The following COG5 variants were observed in gnomAD, a reference collection of about 807,000 sequenced individuals.
COG5 encodes conserved oligomeric Golgi complex subunit 5.
COG5 carries 86 observed loss-of-function variants against 110.4 expected under a neutral mutation model. The ratio of observed to expected loss-of-function variants is 0.78; its 90% confidence interval spans 0.65 to 0.93. The LOEUF (loss-of-function observed/expected upper bound fraction) is 0.93, where lower values mean the gene tolerates loss of function less well. Ranked by LOEUF, COG5 falls within the 40% of genes least tolerant of loss-of-function variation. The pLI, the probability that COG5 is intolerant of heterozygous loss-of-function variation, is 0.00. For synonymous variants in COG5, 360 were observed against 334.6 expected, an observed-to-expected ratio of 1.08 and a Z score of -0.83; for missense variants, 1,077 against 987.0, an observed-to-expected ratio of 1.09 and a Z score of -1.22.
chr7:107,549,572 T>TG (rs1335915689), intron 3 of COG5, among the ~76,000 whole-genome samples: 9 of 151,092 alleles, frequency 6.0e-5, no homozygotes, highest in African/African-American at 1.9e-4. Context: ...TTTTTTTTTT[T>TG]TTTGTATTTT....
chr7:107,362,091 A>C lies in COG5; in HGVS notation c.968T>G (p.Val323Gly). The C allele has an allele frequency of 6.2e-7, 1 of 1,608,634 alleles. No individual in the cohort carries two copies. Residue 323 changes from valine (V) to glycine (G), a missense_variant, in exon 10 of 22, where the codon GTA (valine) becomes GGA (glycine). Val to Gly is a moderately radical substitution (Grantham distance 109, BLOSUM62 -3). Transcript: ENST00000297135. The stretch of plus-strand genomic sequence containing the variant: ...AACAGGATCTCTCTTCTTGGCCAAT[A>C]CTTTTTGTAGATGTTGTACCTTAAA... ...VCGQVQHLQK[V>G]LAKKRDPVSH... is the part of the protein sequence containing the mutation.
intron 14 of COG5, among the ~76,000 whole-genome samples, chr7:107,268,262 C>A (rs151135479): frequency 0.013 from 1,956 of 152,270 alleles, 20 homozygotes; most frequent in Non-Finnish European, 0.019. Flanking sequence ...GCCACTGCAC[C>A]TGGCCTAAGA....
intron 1 of COG5, among the ~76,000 whole-genome samples, chr7:107,562,827 C>A (rs924382580): frequency 6.6e-6 from 1 of 151,968 alleles, no homozygotes; most frequent in African/African-American, 2.4e-5. Context: ...CATTTATTAC[C>A]CACTTCGGTC....
intron 6 of COG5, among the ~76,000 whole-genome samples, chr7:107,418,765 G>T (rs1275749729): frequency 1.3e-5 from 2 of 151,496 alleles, no homozygotes; most frequent in African/African-American, 4.9e-5. Context: ...TTATTTATTT[G>T]TATTTTAGTT....
At chr7:107,329,698 CCT>C (rs1213173367) in intron 10 of COG5, among the ~76,000 whole-genome samples, 7 of 151,432 alleles carry the variant, frequency 4.6e-5, no homozygotes, top group African/African-American at 1.7e-4. Flanking sequence ...TCAAGACCAT[CCT>C]TGGCAACAGC....
chr7:107,504,663 G>A (rs1798852611), intron 6 of COG5, among the ~76,000 whole-genome samples: 1 of 151,946 alleles, frequency 6.6e-6, no homozygotes, highest in African/African-American at 2.4e-5. Flanking sequence ...TTTTATTACT[G>A]ATTTAATCTT....
intron 7 of COG5, among the ~76,000 whole-genome samples, chr7:107,390,738 T>C (rs775238105): frequency 1.6e-4 from 24 of 148,970 alleles, no homozygotes; most frequent in African/African-American, 3.2e-4. Context: ...ATACTCATGA[T>C]TGTCTTATCT....
At position 107,548,327 on chromosome 7, in the gene COG5, G is replaced by A. The variant is rs150351852; in HGVS notation, c.298C>T (p.Leu100Phe). 1,385 of 1,613,628 alleles carry A rather than the reference G, an allele frequency of 8.6e-4. 2 individuals are homozygous for A. The highest frequency in any genetic ancestry group is 2.5e-3 in the Admixed American group (150 of 60,010). The change falls in exon 4 of 22, where the codon CTT becomes TTT. Residue 100 changes from leucine to phenylalanine, a missense_variant. Physicochemically the swap from Leu to Phe is conservative, Grantham distance 22. Transcript: ENST00000297135. ...CCAATTCTCGTCTGCATCATCTGAA[G>A]AACACCTAGGAAAACATAAGTTTAC... ...ATGIESLEGVLQMMQTRIGAL... is the reference protein window; with the variant it reads ...ATGIESLEGVFQMMQTRIGAL...
At chr7:107,414,342 G>A (rs4730238) in intron 6 of COG5, among the ~76,000 whole-genome samples, 29,811 of 151,252 alleles carry the variant, frequency 0.2, 3,270 homozygotes, top group East Asian at 0.33. Flanking sequence ...CCACAGTGAT[G>A]TAGCAGGAAA....
intron 14 of COG5, among the ~76,000 whole-genome samples, chr7:107,277,703 T>C (rs947573509): frequency 2.0e-5 from 3 of 152,188 alleles, no homozygotes; most frequent in Admixed American, 2.0e-4. Flanking sequence ...TGATTCACTA[T>C]AAAGGTTAAT....
intron 14 of COG5, among the ~76,000 whole-genome samples, chr7:107,273,819 A>G (rs1009127078): frequency 3.9e-5 from 6 of 152,064 alleles, no homozygotes; most frequent in Non-Finnish European, 5.9e-5. Context: ...GAAGAAAAAA[A>G]ATTTTTAAAT....
Position 107,474,437 on chromosome 7 carries a change from G to A in COG5, c.538+52800C>T. 1 of 1,613,300 alleles carries A rather than the reference G, an allele frequency of 6.2e-7. No individual in the cohort carries two copies. The highest frequency in any genetic ancestry group is 8.5e-7 in the Non-Finnish European group (1 of 1,179,522). On this transcript the variant is annotated intron_variant, in intron 6 of 21. Coordinates refer to ENST00000297135, the MANE Select transcript of COG5 (RefSeq NM_006348.5). This position sits in a 1 kb window ranked among gnomAD's most constrained non-coding sequence, Gnocchi z 5.7. ...CATGAGGCTTGTGTATCTTTTGCAA[G>A]TGTCTCAACAGCAATCAACGTTTTT...
intron 21 of COG5, among the ~76,000 whole-genome samples, chr7:107,207,275 A>G (rs1190459107): frequency 6.6e-6 from 1 of 152,200 alleles, no homozygotes; most frequent in East Asian, 1.9e-4. Flanking sequence ...GTGACATGGT[A>G]CCAGGAGGAG....
At chr7:107,523,351 TTATC>T (rs1197781583) in intron 6 of COG5, among the ~76,000 whole-genome samples, 1 of 151,888 alleles carries the variant, frequency 6.6e-6, no homozygotes, top group Non-Finnish European at 1.5e-5. Flanking sequence ...TTTTGTATAT[TTATC>T]TAGTATATTG....
chr7:107,560,629 A>G (rs891107529), intron 1 of COG5, among the ~76,000 whole-genome samples: 1 of 152,266 alleles, frequency 6.6e-6, no homozygotes, highest in Non-Finnish European at 1.5e-5. Flanking sequence ...GTAAACACAG[A>G]TAACAGAAAC....
chr7:107,563,812 G>T lies in COG5; in HGVS notation c.85C>A (p.Leu29Met). Reference protein sequence around the residue: ...GAAAATVRELLQDGCYSDFLN... With the variant: ...GAAAATVRELMQDGCYSDFLN... ...GACCCCGTCTCCTTACCGTCCTGCA[G>T]AAGTTCCCGGACTGTAGCTGCAGCC... The change falls in exon 1 of 22, where the codon CTG (leucine) becomes ATG (methionine). Residue 29 changes from leucine to methionine, a missense_variant. By Grantham distance (15) the Leu-to-Met change is conservative. Transcript: ENST00000297135. The T allele has an allele frequency of 6.2e-7, 1 of 1,613,912 alleles. No individual in the cohort carries two copies. The highest frequency in any genetic ancestry group is 1.7e-5 in the Admixed American group (1 of 60,024).
At chr7:107,513,782 G>A (rs1439089091) in intron 6 of COG5, among the ~76,000 whole-genome samples, 6 of 152,112 alleles carry the variant, frequency 3.9e-5, no homozygotes, top group African/African-American at 1.4e-4. Flanking sequence ...ATCATTCTCA[G>A]CAAACTATTG....
At chr7:107,268,378 C>T (rs1482418127) in intron 14 of COG5, among the ~76,000 whole-genome samples, 2 of 152,110 alleles carry the variant, frequency 1.3e-5, no homozygotes, top group Non-Finnish European at 2.9e-5. Context: ...TCTGTATATT[C>T]GTTTTAATAT....
At chr7:107,372,201 T>C (rs977276438) in intron 8 of COG5, among the ~76,000 whole-genome samples, 1 of 152,174 alleles carries the variant, frequency 6.6e-6, no homozygotes, top group African/African-American at 2.4e-5. Flanking sequence ...AGAATTATCA[T>C]AAAGAAAAGT....
Sources: gnomAD v4.1 joint callset for allele counts (sites outside exome capture counted in the v4.1 genomes callset) on GRCh38, gnomAD v4.1.1 for gene constraint, Gnocchi (gnomAD v3.1) non-coding constraint, MANE v1.5 for transcripts, NCBI Gene and HGNC (gene_info 2026-07-23, HGNC 2026-07-21) for gene names.